The following PIGG variants were observed in gnomAD, a reference collection of about 807,000 sequenced individuals.
PIGG encodes the protein phosphatidylinositol glycan anchor biosynthesis class G (EMM blood group), also known as GPI ethanolamine phosphate transferase 2, catalytic subunit.
PIGG carries 70 observed loss-of-function variants against 83.2 expected under a neutral mutation model. That is an observed-to-expected ratio of 0.84 (90% CI 0.69 to 1.03). PIGG has a LOEUF of 1.03. Among genes scored for constraint, PIGG ranks in the 50% least tolerant of loss-of-function variants. The pLI is 0.00. For synonymous variants in PIGG, 532 were observed against 519.5 expected, an observed-to-expected ratio of 1.02 and a Z score of -0.33; for missense variants, 1,257 against 1,233.6, an observed-to-expected ratio of 1.02 and a Z score of -0.28.
intron 12 of PIGG, chr4:536,142 G>T (rs11934538): frequency 0.17 from 25,376 of 152,308 alleles, 2,442 homozygotes; most frequent in African/African-American, 0.26. Flanking sequence ...GGAAGTGTTC[G>T]TGCCCCGCAG....
At chr4:533,612 G>T in intron 11 of PIGG, 1 of 590,458 alleles carries the variant, frequency 1.7e-6, no homozygotes, top group Non-Finnish European at 3.0e-6. Flanking sequence ...ACTGCAGGCA[G>T]GGGGAGGGGG....
intron 10 of PIGG, chr4:527,646 C>T (rs1008092837): frequency 6.1e-6 from 6 of 990,364 alleles, no homozygotes; most frequent in Admixed American, 6.0e-5. Flanking sequence ...GTGGATGTTT[C>T]CCAGCAGCTG....
intron 2 of PIGG, among the ~76,000 whole-genome samples, chr4:501,408 T>A (rs1447313809): frequency 6.6e-6 from 1 of 152,192 alleles, no homozygotes; most frequent in Non-Finnish European, 1.5e-5. Flanking sequence ...CTGAGGAAAT[T>A]GCATTTAAAC....
At chr4:533,232 G>T (rs2109029134) in intron 11 of PIGG, 1 of 157,918 alleles carries the variant, frequency 6.3e-6, no homozygotes, top group Non-Finnish European at 1.4e-5. Context: ...AGTCCTCATG[G>T]TCTGATACGT....
At position 515,205 on chromosome 4, in the gene PIGG, A is replaced by T. The variant is rs1723426815; in HGVS notation, c.902-768A>T. Among the ~76,000 whole-genome samples the T allele has an allele frequency of 6.6e-6, 1 of 152,244 alleles. No homozygotes were observed. The highest frequency in any genetic ancestry group is 1.5e-5 in the Non-Finnish European group (1 of 68,036). On this transcript the variant is annotated intron_variant, in intron 5 of 12. Coordinates refer to ENST00000453061, the MANE Select transcript of PIGG (RefSeq NM_001127178.3). This position sits in a 1 kb window ranked among gnomAD's most constrained non-coding sequence, Gnocchi z 4.2. ...TGGCCTCTTGGCGCCCTGCCGGTGT[A>T]CGTTGAATTCCAGGGTGTGGAGCTG...
At chr4:526,999 G>A (rs199904734) in intron 9 of PIGG, 40 bp from the exon 10 acceptor site, 109 of 1,612,858 alleles carry the variant, frequency 6.8e-5, no homozygotes, top group Non-Finnish European at 9.1e-5. Flanking sequence ...TCTTGTCGCT[G>A]TTTGTTTACG....
rs1731537054 is a variant in PIGG at position 539,386 on chromosome 4, G to C, written c.*17G>C. The C allele has an allele frequency of 1.4e-6, 2 of 1,426,920 alleles. No homozygotes were observed. The highest frequency in any genetic ancestry group is 3.5e-5 in the Admixed American group (2 of 56,566). 88.4% of individuals were successfully genotyped at this position (1,426,920 alleles called of 1,614,324 possible). ...CAGTCTTAGACTAAGCTGAACACTG[G>C]AAAAATAATACATGCTTAAAGTCTG... On this transcript the variant is annotated 3_prime_UTR_variant, in exon 13 of 13. Coordinates refer to ENST00000453061, the MANE Select transcript of PIGG (RefSeq NM_001127178.3).
intron 7 of PIGG, 82 bp downstream of exon 7, chr4:521,355 T>C (rs1725819235): frequency 1.2e-6 from 1 of 841,218 alleles, no homozygotes; most frequent in South Asian, 1.8e-5. Flanking sequence ...TAAATATATA[T>C]ATAGGTGTTA....
At chr4:513,030 C>T (rs917577713) in intron 5 of PIGG, among the ~76,000 whole-genome samples, 13 of 152,102 alleles carry the variant, frequency 8.5e-5, no homozygotes, top group East Asian at 1.9e-4. Context: ...AGAGTTTCTG[C>T]CCCACTGGGC....
chr4:537,381 G>A (rs1009607760), intron 12 of PIGG: 4 of 152,174 alleles, frequency 2.6e-5, no homozygotes, highest in South Asian at 2.1e-4. Context: ...ACGCTATAAA[G>A]TGTTAAACTG....
chr4:536,069 C>T (rs1261059735), intron 12 of PIGG, among the ~76,000 whole-genome samples: 2 of 152,250 alleles, frequency 1.3e-5, no homozygotes, highest in Admixed American at 6.5e-5. Flanking sequence ...TCGCCGCTCA[C>T]GTCCTGTGTT....
chr4:537,677 G>A (rs1322745255), intron 12 of PIGG, among the ~76,000 whole-genome samples: 6 of 152,104 alleles, frequency 3.9e-5, no homozygotes. Flanking sequence ...CAGAGGCACC[G>A]GCCACCCACC....
At chr4:517,903 G>A (rs1431207435) in intron 6 of PIGG, among the ~76,000 whole-genome samples, 14 of 152,214 alleles carry the variant, frequency 9.2e-5, no homozygotes, top group Admixed American at 5.2e-4. Context: ...TTGAGAGCCC[G>A]GAGGAAGTCG....
intron 12 of PIGG, among the ~76,000 whole-genome samples, chr4:535,008 G>A (rs758774142): frequency 9.8e-5 from 15 of 152,366 alleles, no homozygotes; most frequent in Middle Eastern, 3.4e-3. Flanking sequence ...TCCCACCGCC[G>A]CACACTCTCT....
At chr4:503,574 A>G (rs570165757) in intron 2 of PIGG, among the ~76,000 whole-genome samples, 2 of 152,222 alleles carry the variant, frequency 1.3e-5, no homozygotes, top group Admixed American at 6.5e-5. Context: ...CACCTCCACA[A>G]CTTTTCAACC....
At chr4:523,354 G>A in intron 8 of PIGG, 105 bp from the exon 9 acceptor site, 3 of 824,674 alleles carry the variant, frequency 3.6e-6, no homozygotes, top group Non-Finnish European at 6.0e-6. Flanking sequence ...GAGGAACAAT[G>A]GTGTGTGTCC....
intron 10 of PIGG, among the ~76,000 whole-genome samples, chr4:529,898 C>T (rs528168417): frequency 5.3e-5 from 8 of 152,310 alleles, no homozygotes; most frequent in South Asian, 2.1e-4. Flanking sequence ...TCTCAGAGCC[C>T]GCGGGTTGGA....
At chr4:525,411 G>A in intron 9 of PIGG, 1 of 964,672 alleles carries the variant, frequency 1.0e-6, no homozygotes, top group Non-Finnish European at 1.2e-6. Context: ...GTAACAGCAA[G>A]GGTTGCGGTC....
At chr4:520,240 C>T (rs995786173) in intron 6 of PIGG, among the ~76,000 whole-genome samples, 3 of 152,328 alleles carry the variant, frequency 2.0e-5, no homozygotes, top group Non-Finnish European at 2.9e-5. Context: ...TGTCAAATAC[C>T]GAGGGGGTCT....
Sources: gnomAD v4.1 joint callset for allele counts (sites outside exome capture counted in the v4.1 genomes callset) on GRCh38, gnomAD v4.1.1 for gene constraint, Gnocchi (gnomAD v3.1) non-coding constraint, MANE v1.5 for transcripts, NCBI Gene and HGNC (gene_info 2026-07-23, HGNC 2026-07-21) for gene names.